ZFHX3: variants seen among roughly 807,000 people sequenced by gnomAD.
ZFHX3 encodes zinc finger homeobox 3.
Under a neutral mutation model 279.1 loss-of-function variants are expected in ZFHX3, and 42 were observed. That is an observed-to-expected ratio of 0.15 (90% CI 0.12 to 0.19). The LOEUF (loss-of-function observed/expected upper bound fraction) is 0.19, where lower values mean the gene tolerates loss of function less well. Among genes scored for constraint, ZFHX3 ranks in the 10% least tolerant of loss-of-function variants. ZFHX3 has a pLI of 1.00. For missense variants in ZFHX3, 4,981 were observed against 4,754.0 expected, an observed-to-expected ratio of 1.05 and a Z score of -1.40; for synonymous variants, 2,293 against 1,957.8, an observed-to-expected ratio of 1.17 and a Z score of -4.52.
intron 2 of ZFHX3, among the ~76,000 whole-genome samples, chr16:73,466,166 C>G (rs911898005): frequency 7.8e-6 from 1 of 127,812 alleles, no homozygotes; most frequent in Non-Finnish European, 1.7e-5. Flanking sequence ...AGAAATCATT[C>G]TTTTCAATCG....
At chr16:72,911,635 C>T (rs1003809842) in intron 3 of ZFHX3, among the ~76,000 whole-genome samples, 1 of 152,184 alleles carries the variant, frequency 6.6e-6, no homozygotes, top group African/African-American at 2.4e-5. Context: ...ATAGCAGCCA[C>T]TAGCCACATG....
rs943488056 is a variant in ZFHX3 at position 73,130,859 on chromosome 16, C to T, written c.-897+109G>A. 46 of 931,352 alleles carry T rather than the reference C, an allele frequency of 4.9e-5. 1 individual carries two copies. The highest frequency in any genetic ancestry group is 4.8e-4 in the East Asian group (6 of 12,530). The allele number at this position is 931,352 out of a possible 1,614,324, so 57.7% of individuals were successfully genotyped here. A position where few individuals can be genotyped will look rare whatever the true frequency, so the allele number is the denominator to read the frequency against. ...CTGACCTCAGGTGATCCACCTGCCT[C>T]GGCCTCCCAAAGTGCTGGGATCACA... On this transcript the variant is annotated intron_variant, in intron 7 of 17. Coordinates refer to the ZFHX3 transcript ENST00000641206.
chr16:73,146,905 C>A (rs1485137968), intron 5 of ZFHX3, among the ~76,000 whole-genome samples: 1 of 152,154 alleles, frequency 6.6e-6, no homozygotes, highest in Non-Finnish European at 1.5e-5. Context: ...CATCCACCTG[C>A]CTTGGCCTTC....
intron 5 of ZFHX3, among the ~76,000 whole-genome samples, chr16:73,157,575 C>A (rs1967125282): frequency 6.6e-6 from 1 of 151,602 alleles, no homozygotes; most frequent in East Asian, 1.9e-4. Flanking sequence ...GTCACTATCC[C>A]TTAGCAGTTC....
chr16:73,038,240 A>C (rs1009145342), intron 1 of ZFHX3, among the ~76,000 whole-genome samples: 2 of 152,150 alleles, frequency 1.3e-5, no homozygotes, highest in Admixed American at 6.5e-5. Context: ...CCCCCCAACT[A>C]TCCAGGCTCA....
At chr16:72,920,553 G>A (rs933513009) in intron 3 of ZFHX3, among the ~76,000 whole-genome samples, 2 of 151,894 alleles carry the variant, frequency 1.3e-5, no homozygotes, top group Non-Finnish European at 1.5e-5. Context: ...TCTGGACTTG[G>A]TGGTAAGCGC....
At chr16:73,246,945 T>C (rs183322956) in intron 5 of ZFHX3, among the ~76,000 whole-genome samples, 21 of 152,316 alleles carry the variant, frequency 1.4e-4, no homozygotes, top group African/African-American at 3.8e-4. Context: ...TGCTTCAAGG[T>C]TTTCAGGCAC....
chr16:73,628,130 C>T (rs1258774803), intron 2 of ZFHX3, among the ~76,000 whole-genome samples: 2 of 152,110 alleles, frequency 1.3e-5, no homozygotes, highest in Non-Finnish European at 2.9e-5. Context: ...ACGTGTCTAC[C>T]TCCAACCCGT....
upstream of ZFHX3, among the ~76,000 whole-genome samples, chr16:73,053,068 C>A (rs1597137872): frequency 6.6e-6 from 1 of 152,128 alleles, no homozygotes; most frequent in Non-Finnish European, 1.5e-5. Flanking sequence ...TATTTCTAAA[C>A]CTAAAAGAAC....
intron 5 of ZFHX3, among the ~76,000 whole-genome samples, chr16:73,208,247 A>G (rs1032018913): frequency 6.6e-6 from 1 of 152,244 alleles, no homozygotes. Context: ...ATTATGTTAC[A>G]TCCATATGAT....
chr16:73,527,853 G>A (rs1267536175), intron 2 of ZFHX3, among the ~76,000 whole-genome samples: 1 of 152,202 alleles, frequency 6.6e-6, no homozygotes, highest in Non-Finnish European at 1.5e-5. Context: ...GATGGCCACA[G>A]CCAACCTCTT....
At chr16:72,908,928 C>G (rs1212342116) in intron 3 of ZFHX3, among the ~76,000 whole-genome samples, 3 of 152,206 alleles carry the variant, frequency 2.0e-5, no homozygotes, top group Non-Finnish European at 4.4e-5. Context: ...GAAGGCTGAG[C>G]ACATCCACTA....
intron 5 of ZFHX3, among the ~76,000 whole-genome samples, chr16:73,240,945 T>C (rs1050285231): frequency 6.6e-6 from 1 of 152,250 alleles, no homozygotes. Flanking sequence ...TCTGGCAAAG[T>C]TCATCTGTGC....
intron 4 of ZFHX3, among the ~76,000 whole-genome samples, chr16:73,287,813 T>C (rs2014665899): frequency 1.3e-5 from 2 of 150,180 alleles, no homozygotes; most frequent in Admixed American, 1.3e-4. Flanking sequence ...TGTGGCTGTG[T>C]GGGTCAGTGT....
In ZFHX3 at chr16:72,797,547, C is replaced by T. The variant is rs143025874; in HGVS notation, c.5135G>A (p.Arg1712Gln). The T allele has an allele frequency of 8.1e-6, 13 of 1,613,880 alleles. No homozygotes were observed. The highest frequency in any genetic ancestry group is 4.5e-5 in the East Asian group (2 of 44,874). The change falls in exon 9 of 10, where the codon CGG becomes CAG. Residue 1712 changes from arginine to glutamine, a missense_variant. Physicochemically the swap from Arg to Gln is conservative, Grantham distance 43. This residue lies in a region of ZFHX3 where 1,751 missense variants were observed against 1,770.0 expected (regional missense o/e 0.99). Coordinates refer to ENST00000268489, the MANE Select transcript of ZFHX3 (RefSeq NM_006885.4). ...ASPSEPKEAN[R>Q]KKLADMIASR... The stretch of plus-strand genomic sequence containing the variant: ...TGCAATCATATCTGCCAGTTTCTTC[C>T]GATTGGCCTCTTTGGGCTCTGAAGG...
intron 3 of ZFHX3, among the ~76,000 whole-genome samples, chr16:73,421,934 C>T (rs1456793451): frequency 6.6e-6 from 1 of 152,180 alleles, no homozygotes; most frequent in Admixed American, 6.5e-5. Flanking sequence ...CACCTAGATT[C>T]CTCCATCTGA....
chr16:73,154,181 C>G (rs1451770387), intron 5 of ZFHX3, among the ~76,000 whole-genome samples: 1 of 152,138 alleles, frequency 6.6e-6, no homozygotes, highest in African/African-American at 2.4e-5. Flanking sequence ...AGAACTGCAG[C>G]CCCTGGGATT....
chr16:72,984,014 C>T (rs1332599295), intron 1 of ZFHX3, among the ~76,000 whole-genome samples: 2 of 152,226 alleles, frequency 1.3e-5, no homozygotes, highest in African/African-American at 2.4e-5. Context: ...GAACCCTTGA[C>T]CAGCTGGGGC....
intron 2 of ZFHX3, among the ~76,000 whole-genome samples, chr16:73,580,341 G>A (rs998616022): frequency 2.6e-5 from 4 of 151,994 alleles, no homozygotes; most frequent in Admixed American, 6.5e-5. Flanking sequence ...AGCTGGGTGC[G>A]GCGGCGCACG....
Sources: gnomAD v4.1 joint callset for allele counts (sites outside exome capture counted in the v4.1 genomes callset) on GRCh38, gnomAD v4.1.1 for gene constraint, gnomAD v4.1.1 regional missense constraint, MANE v1.5 for transcripts, NCBI Gene and HGNC (gene_info 2026-07-23, HGNC 2026-07-21) for gene names.